Variants in EPHA5 observed in about 807,000 individuals in gnomAD.
EPHA5 encodes the protein EPH receptor A5.
In EPHA5, 60 loss-of-function variants were observed where a neutral mutation model predicts 105.0. The ratio of observed to expected loss-of-function variants is 0.57; its 90% confidence interval spans 0.46 to 0.71. EPHA5 has a LOEUF of 0.71. EPHA5 is among the 30% of genes least tolerant of loss of function. The pLI is 0.00. For synonymous variants in EPHA5, 513 were observed against 449.1 expected (o/e 1.14, Z -1.80); for missense variants, 1,218 against 1,274.7 (o/e 0.96, Z 0.68).
chr4:65,603,370 T>C (rs1743925724), intron 2 of EPHA5, among the ~76,000 whole-genome samples: 1 of 152,068 alleles, frequency 6.6e-6, no homozygotes, highest in Admixed American at 6.6e-5. Context: ...AAAAGTGATA[T>C]ATAATTTTAA....
At chr4:65,451,671 T>C (rs1451681302) in intron 5 of EPHA5, among the ~76,000 whole-genome samples, 1 of 152,152 alleles carries the variant, frequency 6.6e-6, no homozygotes, top group Non-Finnish European at 1.5e-5. Context: ...ACTAGATTTT[T>C]TTGTAAACTT....
intron 3 of EPHA5, among the ~76,000 whole-genome samples, chr4:65,503,944 C>CAT (rs1275077094): frequency 7.1e-6 from 1 of 141,156 alleles, no homozygotes; most frequent in African/African-American, 2.6e-5. Flanking sequence ...CACACACACA[C>CAT]ATATATTTAA....
intron 3 of EPHA5, among the ~76,000 whole-genome samples, chr4:65,595,355 T>A (rs1488470167): frequency 6.6e-6 from 1 of 152,080 alleles, no homozygotes; most frequent in Non-Finnish European, 1.5e-5. Context: ...TAAGTGATAA[T>A]GTCTAACGAG....
chr4:65,336,120 A>G lies in EPHA5; in HGVS notation c.2601T>C (p.Ile867=). 1.2e-6 allele frequency: 2 copies of G among 1,609,276 alleles called. No individual in the cohort carries two copies. Among genetic ancestry groups the G allele is most frequent in the Non-Finnish European group, 1.7e-6 (2 of 1,177,590 alleles). Residue 867 remains isoleucine (I), a synonymous_variant, in exon 15 of 17, where the codon ATT becomes ATC. Transcript: ENST00000613740. ...GACGATAGCCTTCCTCTACCGCTTT[A>G]ATCACCTGTATAAAGCAAAACAGAA... ...PYWEMTNQDV[I]KAVEEGYRLP...
chr4:65,389,435 A>T (rs914867511), intron 8 of EPHA5, among the ~76,000 whole-genome samples: 9 of 151,952 alleles, frequency 5.9e-5, no homozygotes, highest in Non-Finnish European at 1.3e-4. Flanking sequence ...TATCTTTTAC[A>T]TTGTATGTGT....
At chr4:65,412,026 T>C (rs1341395698) in intron 7 of EPHA5, among the ~76,000 whole-genome samples, 1 of 152,132 alleles carries the variant, frequency 6.6e-6, no homozygotes, top group Non-Finnish European at 1.5e-5. Flanking sequence ...GTCGGGAGTT[T>C]GAGACCAGAC....
chr4:65,586,081 T>TAG (rs1330462646), intron 3 of EPHA5, among the ~76,000 whole-genome samples: 1 of 151,608 alleles, frequency 6.6e-6, no homozygotes, highest in Non-Finnish European at 1.5e-5. Context: ...AAATTGGATT[T>TAG]GCAGTCAAAT....
chr4:65,424,742 T>C (rs2149046949), intron 5 of EPHA5, among the ~76,000 whole-genome samples: 1 of 152,192 alleles, frequency 6.6e-6, no homozygotes, highest in East Asian at 1.9e-4. Context: ...GATGCTTTGT[T>C]TTCTGCATCC....
intron 5 of EPHA5, among the ~76,000 whole-genome samples, chr4:65,448,088 A>G (rs1726727125): frequency 6.7e-6 from 1 of 149,208 alleles, no homozygotes; most frequent in Admixed American, 6.7e-5. Context: ...GAAAACTGTA[A>G]AAATCATAAA....
intron 5 of EPHA5, among the ~76,000 whole-genome samples, chr4:65,443,429 C>G (rs1271047158): frequency 6.6e-6 from 1 of 150,640 alleles, no homozygotes; most frequent in African/African-American, 2.4e-5. Context: ...ACTGCGATAC[C>G]GAATTAGATG....
At chr4:65,522,735 G>A (rs1401670883) in intron 3 of EPHA5, among the ~76,000 whole-genome samples, 5 of 151,926 alleles carry the variant, frequency 3.3e-5, no homozygotes, top group Non-Finnish European at 7.4e-5. Context: ...TCACCCCATC[G>A]TCATCTACTC....
intron 3 of EPHA5, among the ~76,000 whole-genome samples, chr4:65,521,438 G>C (rs1279494777): frequency 1.3e-5 from 2 of 151,980 alleles, no homozygotes; most frequent in African/African-American, 2.4e-5. Context: ...ATGAGTTAAT[G>C]GGTGTAGCAC....
chr4:65,594,230 T>C (rs13149177), intron 3 of EPHA5, among the ~76,000 whole-genome samples: 132,128 of 152,106 alleles, frequency 0.87, 57,750 homozygotes, highest in Non-Finnish European at 0.91. Context: ...TATAAAAATG[T>C]ATTATAATAA....
At chr4:65,517,371 T>C (rs904456524) in intron 3 of EPHA5, among the ~76,000 whole-genome samples, 1 of 151,896 alleles carries the variant, frequency 6.6e-6, no homozygotes, top group African/African-American at 2.4e-5. Context: ...ATTTAAAATA[T>C]GTTTCTTATA....
intron 8 of EPHA5, among the ~76,000 whole-genome samples, chr4:65,401,100 C>T (rs1721775107): frequency 6.6e-6 from 1 of 151,644 alleles, no homozygotes; most frequent in South Asian, 2.1e-4. Context: ...CATGTTTTAG[C>T]ACAGAGAGAT....
At chr4:65,558,696 C>T (rs755808710) in intron 3 of EPHA5, among the ~76,000 whole-genome samples, 41 of 152,094 alleles carry the variant, frequency 2.7e-4, no homozygotes, top group Middle Eastern at 3.4e-3. Context: ...CCCTCCTCCC[C>T]GCACCCCACA....
intron 5 of EPHA5, among the ~76,000 whole-genome samples, chr4:65,464,070 T>C (rs1412347372): frequency 6.6e-6 from 1 of 151,904 alleles, no homozygotes; most frequent in African/African-American, 2.4e-5. Context: ...CTCAAAGCCT[T>C]GTCTTTCATC....
At chr4:65,442,503 G>C (rs1293044590) in intron 5 of EPHA5, among the ~76,000 whole-genome samples, 2 of 152,188 alleles carry the variant, frequency 1.3e-5, no homozygotes, top group East Asian at 3.9e-4. Context: ...TTAAAACACA[G>C]TCTGCCTACA....
At position 65,648,484 on chromosome 4, in the gene EPHA5, T is replaced by C. The variant is rs1182862336; in HGVS notation, c.182-5057A>G. ...AAGGCTTAAGAGAATGTGTGATCCTTGATGACATGAAGATAGACAATTAGA... is the reference window on the plus strand; with the variant it reads ...AAGGCTTAAGAGAATGTGTGATCCTCGATGACATGAAGATAGACAATTAGA... On this transcript the variant is annotated intron_variant, in intron 1 of 16. Coordinates refer to ENST00000613740, the MANE Select transcript of EPHA5 (RefSeq NM_001281766.3). Among the ~76,000 whole-genome samples the C allele has an allele frequency of 2.0e-5, 3 of 152,194 alleles. No individual in the cohort carries two copies. In the East Asian group the frequency reaches 5.8e-4, roughly 29 times the overall value.
Sources: gnomAD v4.1 joint callset for allele counts (sites outside exome capture counted in the v4.1 genomes callset) on GRCh38, gnomAD v4.1.1 for gene constraint, MANE v1.5 for transcripts, NCBI Gene and HGNC (gene_info 2026-07-23, HGNC 2026-07-21) for gene names.